MYOM3: variants seen among roughly 807,000 people sequenced by gnomAD.
MYOM3 encodes myomesin-3.
Under a neutral mutation model 191.7 loss-of-function variants are expected in MYOM3, and 155 were observed. The ratio of observed to expected loss-of-function variants is 0.81; its 90% CI spans 0.71 to 0.92. The LOEUF is 0.92. Among genes scored for constraint, MYOM3 ranks in the 40% least tolerant of loss-of-function variants. The probability of loss-of-function intolerance (pLI) is 0.00; values close to 1 mark genes in which losing one functional copy is unlikely to be tolerated. For missense variants in MYOM3, 1,889 were observed against 1,890.6 expected, an observed-to-expected ratio of 1.00 and a Z score of 0.02; for synonymous variants, 757 against 762.9, an observed-to-expected ratio of 0.99 and a Z score of 0.13.
chr1:24,074,296 C>G, intron 22 of MYOM3, 27 bp from the exon 23 acceptor site: 1 of 1,568,110 alleles, frequency 6.4e-7, no homozygotes, highest in Non-Finnish European at 8.8e-7. Context: ...AGCAGAGGCT[C>G]TGGGAGGAGC....
chr1:24,110,370 ATGTG>A (rs1484075416), intron 1 of MYOM3, among the ~76,000 whole-genome samples: 1 of 151,256 alleles, frequency 6.6e-6, no homozygotes, highest in African/African-American at 2.4e-5. Context: ...ATGTGTGTGT[ATGTG>A]TGTGTGTGCG....
chr1:24,091,778 G>A (rs572589762), intron 11 of MYOM3, among the ~76,000 whole-genome samples: 12 of 152,282 alleles, frequency 7.9e-5, no homozygotes, highest in East Asian at 3.9e-4. Context: ...GAAAAAGGCC[G>A]GAGGTTCTGG....
chr1:24,083,394 G>A (rs1570871359), intron 16 of MYOM3: 1 of 152,478 alleles, frequency 6.6e-6, no homozygotes, highest in South Asian at 2.0e-4. Context: ...TTTGCCAGGA[G>A]CTCTCAGGCC....
Position 24,089,961 on chromosome 1 carries a change from C to A in MYOM3, c.1486+104G>T, listed in dbSNP as rs1643795623. ...CCAACTAGGCCCCACCTGCCCTCATCCCCCACACCCTGCACTGGGACAGCT... is the reference window on the plus strand; with the variant it reads ...CCAACTAGGCCCCACCTGCCCTCATACCCCACACCCTGCACTGGGACAGCT... On this transcript the variant is annotated intron_variant, in intron 13 of 36. Coordinates refer to ENST00000374434, the MANE Select transcript of MYOM3 (RefSeq NM_152372.4). 12 of 1,203,608 alleles carry A rather than the reference C, an allele frequency of 1.0e-5. No homozygotes were observed. In the South Asian group the frequency reaches 1.5e-4, roughly 15 times the overall value. 74.6% of individuals were successfully genotyped at this position (1,203,608 alleles called of 1,614,324 possible). A position where few individuals can be genotyped will look rare whatever the true frequency, so the allele number is the denominator to read the frequency against.
At chr1:24,058,794 C>T (rs1643332877) in intron 36 of MYOM3, 130 bp downstream of exon 36, 1 of 697,246 alleles carries the variant, frequency 1.4e-6, no homozygotes. Flanking sequence ...CACATGTCAT[C>T]AATGAGGTGT....
chr1:24,066,056 A>G, intron 28 of MYOM3, 55 bp from the exon 29 acceptor site: 1 of 1,131,982 alleles, frequency 8.8e-7, no homozygotes, highest in Non-Finnish European at 1.4e-6. Flanking sequence ...TTTTGAGTAA[A>G]AACACACCTG....
At chr1:24,067,452 C>T (rs11580700) in intron 27 of MYOM3, among the ~76,000 whole-genome samples, 5 of 87,826 alleles carry the variant, frequency 5.7e-5, no homozygotes, top group South Asian at 4.4e-4. Flanking sequence ...CCTTTGTTTC[C>T]TTCCTTCTTT....
intron 20 of MYOM3, among the ~76,000 whole-genome samples, chr1:24,077,934 G>A (rs1379905766): frequency 2.0e-5 from 3 of 152,166 alleles, no homozygotes; most frequent in Non-Finnish European, 4.4e-5. Flanking sequence ...TCTGTCTGAG[G>A]TGGCCTTAAT....
intron 14 of MYOM3, among the ~76,000 whole-genome samples, chr1:24,088,569 C>T (rs1441595130): frequency 6.6e-6 from 1 of 152,186 alleles, no homozygotes; most frequent in Non-Finnish European, 1.5e-5. Flanking sequence ...TGAAACAAAT[C>T]CTCAATTATC....
intron 22 of MYOM3, among the ~76,000 whole-genome samples, chr1:24,075,016 G>A (rs1169628305): frequency 6.6e-6 from 1 of 152,190 alleles, no homozygotes; most frequent in Non-Finnish European, 1.5e-5. Context: ...GGTCAAGGCT[G>A]CAGTGAGCCG....
rs1224199975 is a variant in MYOM3 at position 24,107,218 on chromosome 1, C to G, written c.257G>C (p.Arg86Thr). 1 of 1,597,482 alleles carries G rather than the reference C, an allele frequency of 6.3e-7. No individual in the cohort carries two copies. The highest frequency in any genetic ancestry group is 1.1e-5 in the South Asian group (1 of 88,316). Residue 86 changes from arginine (R) to threonine (T), a missense_variant, in exon 4 of 37, where the codon AGA (arginine) becomes ACA (threonine). Physicochemically the swap from Arg to Thr is moderately conservative, Grantham distance 71 (BLOSUM62 -1). Transcript: ENST00000374434. ...CAGCTCCACGGCAGAGGTCTGGCGTCTCAGCTGGGCTTCCCTGCCGTGACA... is the reference window on the plus strand; with the variant it reads ...CAGCTCCACGGCAGAGGTCTGGCGTGTCAGCTGGGCTTCCCTGCCGTGACA... ...SSELSWEAQL[R>T]RQTSAVELEE...
At chr1:24,095,609 C>A (rs1055875797) in intron 7 of MYOM3, 123 bp from the exon 8 acceptor site, 2 of 788,648 alleles carry the variant, frequency 2.5e-6, no homozygotes, top group African/African-American at 1.8e-5. Flanking sequence ...CCCCTTGTGG[C>A]TTTGGGAAAG....
chr1:24,081,683 C>T (rs1159463021), intron 18 of MYOM3: 30 of 601,316 alleles, frequency 5.0e-5, no homozygotes, highest in Non-Finnish European at 8.7e-5. Context: ...CTGTGTTAGC[C>T]TCTCGAGTAG....
At chr1:24,080,664 T>C (rs1298401238) in intron 19 of MYOM3, among the ~76,000 whole-genome samples, 1 of 152,222 alleles carries the variant, frequency 6.6e-6, no homozygotes, top group East Asian at 1.9e-4. Context: ...ATAGTGCTTT[T>C]GTGAGCATTA....
At chr1:24,089,812 G>T in intron 13 of MYOM3, 147 bp from the exon 14 acceptor site, 1 of 1,022,164 alleles carries the variant, frequency 9.8e-7, no homozygotes, top group Non-Finnish European at 1.4e-6. Context: ...CAGCAATGCT[G>T]GGCAGAGCCG....
At chr1:24,092,918 T>A in intron 10 of MYOM3, 29 bp downstream of exon 10, 10 of 1,485,182 alleles carry the variant, frequency 6.7e-6, no homozygotes, top group Non-Finnish European at 8.9e-6. Context: ...GGGCTCCTGC[T>A]GCTACCCTGC....
Position 24,090,822 on chromosome 1 carries a change from G to A in MYOM3, c.1407C>T (p.Asp469=), listed in dbSNP as rs542672933. 6.2e-7 allele frequency: 1 copy of A among 1,613,970 alleles called. No individual in the cohort carries two copies. Among genetic ancestry groups the A allele is most frequent in the Non-Finnish European group, 8.5e-7 (1 of 1,180,018 alleles). Residue 469 remains aspartate, a synonymous_variant, in exon 12 of 37, where the codon GAC becomes GAT. Transcript: ENST00000374434. The part of the protein sequence containing the change: ...SKASELVVMG[D]HDAARRKTEI... ...CTGTCTTCCTCCGGGCTGCATCATG[G>A]TCACCCATGACAACCAACTCTGAGG...
intron 29 of MYOM3, among the ~76,000 whole-genome samples, chr1:24,064,676 G>C (rs1308367412): frequency 1.3e-5 from 2 of 152,220 alleles, no homozygotes; most frequent in Non-Finnish European, 2.9e-5. Flanking sequence ...GTAAGAACTT[G>C]AGTTGTGCTT....
intron 20 of MYOM3, among the ~76,000 whole-genome samples, 183 bp downstream of exon 20, chr1:24,079,833 T>C (rs1473811514): frequency 6.6e-6 from 1 of 152,186 alleles, no homozygotes; most frequent in Non-Finnish European, 1.5e-5. Flanking sequence ...GAGCAGGATA[T>C]GGGCACCAGC....
Sources: gnomAD v4.1 joint callset for allele counts (sites outside exome capture counted in the v4.1 genomes callset) on GRCh38, gnomAD v4.1.1 for gene constraint, MANE v1.5 for transcripts, NCBI Gene and HGNC (gene_info 2026-07-23, HGNC 2026-07-21) for gene names.